Variants in DNAH6 observed in about 807,000 individuals in gnomAD.
The protein encoded by DNAH6 is axonemal beta dynein heavy chain 6.
In DNAH6, 340 loss-of-function variants were observed where a neutral mutation model predicts 491.4. The observed-to-expected ratio is 0.69, with a 90% CI of 0.63 to 0.76. The LOEUF (loss-of-function observed/expected upper bound fraction) is 0.76. DNAH6 is among the 30% of genes least tolerant of loss of function. DNAH6 has a pLI of 0.00. For missense variants in DNAH6, 4,443 were observed against 4,972.2 expected, an observed-to-expected ratio of 0.89 and a Z score of 3.20; for synonymous variants, 1,603 against 1,686.1, an observed-to-expected ratio of 0.95 and a Z score of 1.21.
At position 84,720,977 on chromosome 2, in the gene DNAH6, T is replaced by G. The variant is rs529967009; in HGVS notation, c.9793-1648T>G. 1.3e-5 allele frequency among the ~76,000 whole-genome samples: 2 copies of G among 152,272 alleles called. 1 individual carries two copies. Among genetic ancestry groups the G allele is most frequent in the South Asian group, 4.1e-4 (2 of 4,828 alleles). On this transcript the variant is annotated intron_variant, in intron 59 of 76. Transcript: ENST00000389394. ...GTTTCCTGCCACTTCTTGGCTACAG[T>G]TTATACTCCTCTCAGCTCTTAGAAT... is the stretch of plus-strand genomic sequence containing the variant.
At chr2:84,632,241 G>GT (rs1688476242) in intron 29 of DNAH6, among the ~76,000 whole-genome samples, 1 of 152,182 alleles carries the variant, frequency 6.6e-6, no homozygotes, top group East Asian at 1.9e-4. Context: ...ATGCACCACA[G>GT]TAAGATCTGG....
intron 71 of DNAH6, among the ~76,000 whole-genome samples, chr2:84,807,754 T>C (rs907526680): frequency 2.0e-5 from 3 of 152,168 alleles, no homozygotes; most frequent in Admixed American, 6.5e-5. Flanking sequence ...CAGGCACACC[T>C]TCCTATGCCC....
chr2:84,516,288 C>G (rs980694349), upstream of DNAH6, among the ~76,000 whole-genome samples: 1 of 152,210 alleles, frequency 6.6e-6, no homozygotes, highest in Non-Finnish European at 1.5e-5. Context: ...GCACAGTACT[C>G]AATTCCCAGC....
At chr2:84,498,256 A>T in the DNAH6 span, among the ~76,000 whole-genome samples, 127,568 of 152,120 alleles carry the variant, frequency 0.84, 55,241 homozygotes, top group East Asian at 0.99. Flanking sequence ...CACACCAGTT[A>T]TGACACTAAT....
the DNAH6 span, among the ~76,000 whole-genome samples, chr2:84,488,875 T>C: frequency 1.3e-5 from 2 of 152,186 alleles, no homozygotes; most frequent in African/African-American, 4.8e-5. Flanking sequence ...TGATCCAAAC[T>C]TTATTTGGGG....
intron 14 of DNAH6, among the ~76,000 whole-genome samples, chr2:84,582,254 TC>T (rs1269024358): frequency 6.6e-6 from 1 of 152,086 alleles, no homozygotes; most frequent in East Asian, 1.9e-4. Context: ...CAAAAAGGCC[TC>T]TCTCCTTCTC....
chr2:84,595,932 G>T lies in DNAH6; in HGVS notation c.2868+143G>T, dbSNP rs1044290487. ...AAACAATAGTCAAATTCATTTTTTT[G>T]CAGTGGCACAGACTGCATTCCTGTC... On this transcript the variant is annotated intron_variant, in intron 18 of 76. Transcript: ENST00000389394. The T allele has an allele frequency of 2.6e-5, 25 of 951,782 alleles. No individual in the cohort carries two copies. In the African/African-American group the frequency reaches 3.7e-4, roughly 14 times the overall value. The allele number at this position is 951,782 out of a possible 1,614,324, so 59.0% of individuals were successfully genotyped here. A position where few individuals can be genotyped will look rare whatever the true frequency, so the allele number is the denominator to read the frequency against.
chr2:84,796,922 A>G (rs779295840), intron 69 of DNAH6, among the ~76,000 whole-genome samples: 33 of 152,168 alleles, frequency 2.2e-4, no homozygotes, highest in South Asian at 6.2e-4. Context: ...TTGAGTAAAA[A>G]CCAGATCTGT....
the DNAH6 span, among the ~76,000 whole-genome samples, chr2:84,481,896 G>A: frequency 6.6e-6 from 1 of 152,116 alleles, no homozygotes; most frequent in South Asian, 2.1e-4. Flanking sequence ...CTATCACGTT[G>A]CACATCCACC....
At chr2:84,575,266 A>C (rs1190462911) in intron 12 of DNAH6, among the ~76,000 whole-genome samples, 1 of 152,162 alleles carries the variant, frequency 6.6e-6, no homozygotes, top group African/African-American at 2.4e-5. Context: ...TTTTAGCCAG[A>C]CTGCTCCCTG....
rs772744102 is a variant in DNAH6 at position 84,819,363 on chromosome 2, C to T, written c.12432C>T (p.Tyr4144=). Residue 4144 remains tyrosine (Y), a synonymous_variant, in exon 77 of 77, where the codon TAC becomes TAT. Coordinates refer to ENST00000389394, the MANE Select transcript of DNAH6 (RefSeq NM_001370.2). The part of the protein sequence containing the change: ...VLLPSKRSKD[Y]WIAKGSALLC... ...TACCCTCCAAGCGGTCCAAAGACTACTGGATTGCCAAGGGATCAGCTTTGC... is the reference window on the plus strand; with the variant it reads ...TACCCTCCAAGCGGTCCAAAGACTATTGGATTGCCAAGGGATCAGCTTTGC... 1.4e-5 allele frequency: 22 copies of T among 1,551,394 alleles called. No individual in the cohort carries two copies. The highest frequency in any genetic ancestry group is 2.0e-5 in the Admixed American group (1 of 50,980).
chr2:84,756,327 C>G (rs751505521), intron 63 of DNAH6, among the ~76,000 whole-genome samples: 1 of 152,194 alleles, frequency 6.6e-6, no homozygotes, highest in Non-Finnish European at 1.5e-5. Context: ...AATACTGCTA[C>G]AAGAGTATGC....
At chr2:84,499,578 T>C in the DNAH6 span, among the ~76,000 whole-genome samples, 1 of 152,230 alleles carries the variant, frequency 6.6e-6, no homozygotes, top group Non-Finnish European at 1.5e-5. Context: ...TGCTGGAGCA[T>C]ATGTTAGCTC....
chr2:84,720,267 C>CTTTTT (rs56944137), intron 59 of DNAH6, among the ~76,000 whole-genome samples: 14 of 49,526 alleles, frequency 2.8e-4, no homozygotes, highest in Non-Finnish European at 3.7e-4. Context: ...AAGAGTGCTT[C>CTTTTT]TTTTTTTTTT....
rs1208890887 is a variant in DNAH6, at chr2:84,806,807, CT to C, written c.11611+1014del. 2.6e-5 allele frequency among the ~76,000 whole-genome samples: 4 copies of C among 152,164 alleles called. No homozygotes were observed. The East Asian group carries it at 7.7e-4, about 29-fold the overall frequency. ...AGTCCTGCTAATGCCCTTAAAGCCC[CT>C]GGAAGAAAAGGAGCCTTGTGGTTTC... On this transcript the variant is annotated intron_variant, in intron 71 of 76. Coordinates refer to ENST00000389394, the MANE Select transcript of DNAH6 (RefSeq NM_001370.2).
intron 61 of DNAH6, among the ~76,000 whole-genome samples, chr2:84,729,683 C>T (rs2104967603): frequency 6.6e-6 from 1 of 152,156 alleles, no homozygotes; most frequent in South Asian, 2.1e-4. Flanking sequence ...TTAAAATTAC[C>T]ATCATCAGAA....
intron 24 of DNAH6, among the ~76,000 whole-genome samples, chr2:84,620,457 G>T (rs1687282949): frequency 6.6e-6 from 1 of 152,134 alleles, no homozygotes. Context: ...ATACTGTGAG[G>T]AACCAAGTGA....
intron 65 of DNAH6, among the ~76,000 whole-genome samples, chr2:84,783,750 G>C (rs1573799147): frequency 6.6e-6 from 1 of 152,166 alleles, no homozygotes; most frequent in Admixed American, 6.5e-5. Flanking sequence ...ATTCTAGTTG[G>C]GGGGAGACAG....
intron 62 of DNAH6, among the ~76,000 whole-genome samples, chr2:84,736,205 G>A (rs996174202): frequency 2.6e-5 from 4 of 151,962 alleles, no homozygotes; most frequent in Non-Finnish European, 5.9e-5. Flanking sequence ...TGTTCCATGT[G>A]TCTACTTTTG....
Sources: allele counts gnomAD v4.1 joint callset (sites outside exome capture counted in the v4.1 genomes callset), GRCh38; gene constraint gnomAD v4.1.1; transcripts MANE v1.5; gene names NCBI Gene and HGNC (gene_info 2026-07-23, HGNC 2026-07-21).